WWOX: variants seen among roughly 807,000 people sequenced by gnomAD.
The protein encoded by WWOX is WW domain containing oxidoreductase.
In WWOX, 69 loss-of-function variants were observed where a neutral mutation model predicts 46.2. The observed-to-expected ratio is 1.49, with a 90% CI of 1.23 to 1.82. The LOEUF is 1.82. WWOX is among the 40% of genes most tolerant of loss of function. The pLI, the probability that WWOX is intolerant of heterozygous loss-of-function variation, is 0.00. For synonymous variants in WWOX, 359 were observed against 202.6 expected (o/e 1.77, Z -6.56); for missense variants, 919 against 542.6 (o/e 1.69, Z -6.89).
At chr16:78,839,490 T>G (rs2052080748) in intron 8 of WWOX, among the ~76,000 whole-genome samples, 1 of 152,220 alleles carries the variant, frequency 6.6e-6, no homozygotes, top group Non-Finnish European at 1.5e-5. Flanking sequence ...AATGGATGCA[T>G]TTTATGTACA....
intron 8 of WWOX, among the ~76,000 whole-genome samples, chr16:78,747,312 C>T (rs552988153): frequency 6.6e-6 from 1 of 152,088 alleles, no homozygotes; most frequent in East Asian, 1.9e-4. Context: ...TAGCCTCAGC[C>T]TCCCAAATTG....
chr16:78,800,863 A>G (rs765583154), intron 8 of WWOX, among the ~76,000 whole-genome samples: 9 of 152,108 alleles, frequency 5.9e-5, no homozygotes, highest in African/African-American at 9.7e-5. Context: ...GTCAGTCAAC[A>G]CTCAGTCTGA....
chr16:78,205,852 C>A lies in WWOX; in HGVS notation c.516+41563C>A, dbSNP rs552884814. Reference sequence around the variant, plus strand: ...ACCTTCCTTCCTTCCTTCCGTCCTTCCTTCCTTCCTTCCTTCCGTCCTCCC... The same window carrying A: ...ACCTTCCTTCCTTCCTTCCGTCCTTACTTCCTTCCTTCCTTCCGTCCTCCC... On this transcript the variant is annotated intron_variant, in intron 5 of 8. Coordinates refer to ENST00000566780, the MANE Select transcript of WWOX (RefSeq NM_016373.4). Among the ~76,000 whole-genome samples, 7 of 151,740 alleles carry A rather than the reference C, an allele frequency of 4.6e-5. No individual in the cohort carries two copies. The South Asian group carries it at 1.5e-3, about 32-fold the overall frequency.
intron 8 of WWOX, among the ~76,000 whole-genome samples, chr16:78,793,582 A>G (rs1408332225): frequency 6.6e-6 from 1 of 152,250 alleles, no homozygotes; most frequent in Non-Finnish European, 1.5e-5. Flanking sequence ...CAGCTGTAGT[A>G]CATAAGAGGT....
At chr16:78,432,924 G>A (rs1018034681) in intron 8 of WWOX, among the ~76,000 whole-genome samples, 172 bp downstream of exon 8, 1 of 152,170 alleles carries the variant, frequency 6.6e-6, no homozygotes, top group African/African-American at 2.4e-5. Flanking sequence ...GGTTAAGTCT[G>A]TTTGGGTAAA....
intron 8 of WWOX, among the ~76,000 whole-genome samples, chr16:78,731,814 G>T (rs1033453149): frequency 6.7e-6 from 1 of 150,080 alleles, no homozygotes; most frequent in African/African-American, 2.5e-5. Flanking sequence ...AAGTCTAATA[G>T]CACTCCCCAA....
At chr16:78,682,964 A>T (rs9923705) in intron 8 of WWOX, among the ~76,000 whole-genome samples, 64,737 of 151,954 alleles carry the variant, frequency 0.43, 15,900 homozygotes, top group Admixed American at 0.56. Context: ...TAAATGAATG[A>T]TTCTGTGAGG....
At chr16:79,008,051 G>C (rs891194358) in intron 8 of WWOX, among the ~76,000 whole-genome samples, 6 of 152,198 alleles carry the variant, frequency 3.9e-5, no homozygotes, top group African/African-American at 7.2e-5. Context: ...GGTCTCATGA[G>C]GCTGAAATCA....
intron 8 of WWOX, among the ~76,000 whole-genome samples, chr16:78,817,801 G>A (rs1449605617): frequency 1.3e-5 from 2 of 152,178 alleles, no homozygotes; most frequent in African/African-American, 4.8e-5. Flanking sequence ...GATGGAAAGA[G>A]TTCCAAGGCA....
chr16:78,184,018 C>T (rs1354496624), intron 5 of WWOX, among the ~76,000 whole-genome samples: 2 of 152,158 alleles, frequency 1.3e-5, no homozygotes, highest in African/African-American at 2.4e-5. Flanking sequence ...GGCTCAATTG[C>T]AGCTCCAATA....
chr16:78,751,985 G>C (rs1247909513), intron 8 of WWOX, among the ~76,000 whole-genome samples: 1 of 144,394 alleles, frequency 6.9e-6, no homozygotes. Context: ...TACTTCTAAA[G>C]AGAATTGGCA....
chr16:78,955,016 C>G (rs545634890), intron 8 of WWOX, among the ~76,000 whole-genome samples: 1 of 152,260 alleles, frequency 6.6e-6, no homozygotes, highest in South Asian at 2.1e-4. Flanking sequence ...TCTCAAACTC[C>G]TGGCTTCAAG....
At chr16:78,405,395 C>G (rs1338542907) in intron 6 of WWOX, among the ~76,000 whole-genome samples, 1 of 152,162 alleles carries the variant, frequency 6.6e-6, no homozygotes, top group African/African-American at 2.4e-5. Flanking sequence ...TATTTTAATA[C>G]TTGATGGTGT....
At chr16:78,924,512 T>C (rs1006461494) in intron 8 of WWOX, among the ~76,000 whole-genome samples, 2 of 152,212 alleles carry the variant, frequency 1.3e-5, no homozygotes, top group African/African-American at 4.8e-5. Context: ...ACTTGAGTAA[T>C]TTACTCAAGA....
chr16:78,867,575 C>G (rs887000444), intron 8 of WWOX, among the ~76,000 whole-genome samples: 12 of 151,436 alleles, frequency 7.9e-5, no homozygotes, highest in Non-Finnish European at 1.3e-4. Flanking sequence ...GAGCTTTGCT[C>G]TTTCACCCAG....
chr16:79,067,275 A>G (rs1413532912), intron 8 of WWOX, among the ~76,000 whole-genome samples: 2 of 152,200 alleles, frequency 1.3e-5, no homozygotes, highest in Non-Finnish European at 2.9e-5. Flanking sequence ...TTCTAAAATC[A>G]GAGTAAAAGC....
At chr16:78,865,284 T>C (rs1363760509) in intron 8 of WWOX, among the ~76,000 whole-genome samples, 1 of 152,180 alleles carries the variant, frequency 6.6e-6, no homozygotes, top group African/African-American at 2.4e-5. Context: ...CTTTCTCTGT[T>C]ATTCCTTGCC....
chr16:78,821,532 C>T (rs1004615485), intron 8 of WWOX, among the ~76,000 whole-genome samples: 2 of 152,110 alleles, frequency 1.3e-5, no homozygotes, highest in African/African-American at 4.8e-5. Context: ...TTTGCAGTTC[C>T]TAGGAAGTTC....
At chr16:78,417,800 C>T (rs890960451) in intron 6 of WWOX, among the ~76,000 whole-genome samples, 18 of 152,166 alleles carry the variant, frequency 1.2e-4, no homozygotes, top group Non-Finnish European at 4.4e-5. Context: ...TATTGAGGGA[C>T]TGTGTATTGA....
Sources: allele counts gnomAD v4.1 joint callset (sites outside exome capture counted in the v4.1 genomes callset), GRCh38; gene constraint gnomAD v4.1.1; transcripts MANE v1.5; gene names NCBI Gene and HGNC (gene_info 2026-07-23, HGNC 2026-07-21).